The following ZNF664 variants were observed in gnomAD, a reference collection of about 807,000 sequenced individuals.
The protein encoded by ZNF664 is zinc finger protein 664.
Under a neutral mutation model 18.2 loss-of-function variants are expected in ZNF664, and 10 were observed. That is an observed-to-expected ratio of 0.55 (90% CI 0.34 to 0.93). The LOEUF is 0.93. Ranked by LOEUF, ZNF664 falls within the 40% of genes least tolerant of loss-of-function variation. The probability of loss-of-function intolerance (pLI) is 0.02; values close to 1 mark genes in which losing one functional copy is unlikely to be tolerated. For synonymous variants in ZNF664, 119 were observed against 104.2 expected (o/e 1.14, Z -0.86); for missense variants, 193 against 319.0 (o/e 0.61, Z 3.01).
intron 2 of ZNF664, chr12:123,974,673 C>T (rs1412169085): frequency 6.6e-6 from 1 of 152,226 alleles, no homozygotes; most frequent in South Asian, 2.1e-4. Context: ...GTTTATCCTT[C>T]TAGATCTTTT....
chr12:123,989,948 C>G (rs949317980), intron 3 of ZNF664, among the ~76,000 whole-genome samples: 8 of 152,212 alleles, frequency 5.3e-5, no homozygotes, highest in Admixed American at 3.9e-4. Flanking sequence ...CCTGCTCTTG[C>G]ACTTTGTGCT....
At chr12:124,000,718 T>G (rs1177035294) in intron 3 of ZNF664, among the ~76,000 whole-genome samples, 1 of 152,212 alleles carries the variant, frequency 6.6e-6, no homozygotes, top group East Asian at 1.9e-4. Context: ...TTGATTTGCT[T>G]GTTTTTCAAC....
Position 124,012,642 on chromosome 12 carries a change from A to T in ZNF664, c.498A>T (p.Thr166=), listed in dbSNP as rs1957146490. Residue 166 remains threonine (T), a synonymous_variant, in exon 5 of 5, where the codon ACA becomes ACT. Coordinates refer to ENST00000337815, the MANE Select transcript of ZNF664 (RefSeq NM_152437.3). ...SSLCMHQRVH[T]GEKPYKCYEC... ...TCTGCATGCATCAAAGAGTCCACAC[A>T]GGAGAGAAACCCTATAAATGTTATG... The T allele has an allele frequency of 1.2e-6, 2 of 1,614,184 alleles. No homozygotes were observed. The highest frequency in any genetic ancestry group is 8.5e-7 in the Non-Finnish European group (1 of 1,180,032).
intron 3 of ZNF664, among the ~76,000 whole-genome samples, chr12:123,995,544 C>T (rs1956938389): frequency 6.6e-6 from 1 of 150,486 alleles, no homozygotes; most frequent in Admixed American, 6.6e-5. Flanking sequence ...CCCAGTCACT[C>T]AGGCTTTGGA....
intron 3 of ZNF664, among the ~76,000 whole-genome samples, chr12:123,997,175 A>G (rs1448926733): frequency 1.3e-5 from 2 of 152,188 alleles, no homozygotes; most frequent in Non-Finnish European, 2.9e-5. Flanking sequence ...TTTAGAGCTA[A>G]AAGGGCTTGG....
rs1956772214 is a variant in ZNF664 at position 123,982,151 on chromosome 12, G to A, written c.-756-5892G>A. Among the ~76,000 whole-genome samples the A allele has an allele frequency of 2.0e-5, 3 of 152,330 alleles. No homozygotes were observed. In the South Asian group the frequency reaches 6.2e-4, roughly 32 times the overall value. On this transcript the variant is annotated intron_variant, in intron 2 of 4. Transcript: ENST00000337815. ...AACTGGTCCCTTCCACGTAGGGGCA[G>A]GCCAGGAAATAGGCAGAGTGGTGCC...
chr12:123,984,711 T>C (rs764743406), intron 2 of ZNF664, among the ~76,000 whole-genome samples: 93 of 152,104 alleles, frequency 6.1e-4, no homozygotes, highest in Admixed American at 1.6e-3. Flanking sequence ...TTTGTCAAAG[T>C]AGTGATTTTC....
chr12:123,996,235 T>G (rs555800004), intron 3 of ZNF664, among the ~76,000 whole-genome samples: 33 of 152,318 alleles, frequency 2.2e-4, no homozygotes, highest in African/African-American at 1.7e-4. Flanking sequence ...ATTGAGGAAA[T>G]GAGTCTTGGG....
intron 2 of ZNF664, among the ~76,000 whole-genome samples, chr12:123,975,809 A>G (rs1193432244): frequency 1.3e-5 from 2 of 152,224 alleles, no homozygotes; most frequent in African/African-American, 2.4e-5. Flanking sequence ...CAATACTCGC[A>G]CTATAATATT....
At chr12:123,973,735 G>A in intron 1 of ZNF664, 151 bp from the exon 2 acceptor site, 20 of 1,204,750 alleles carry the variant, frequency 1.7e-5, no homozygotes, top group Non-Finnish European at 2.1e-5. Flanking sequence ...CCGAGGGAAG[G>A]GGGAGCGCTG....
At chr12:123,974,992 GA>G in intron 2 of ZNF664, among the ~76,000 whole-genome samples, 1 of 152,330 alleles carries the variant, frequency 6.6e-6, no homozygotes, top group South Asian at 2.1e-4. Context: ...TTTTGGTTAA[GA>G]AATTGATATG....
At chr12:123,977,319 A>T (rs1201592594) in intron 2 of ZNF664, among the ~76,000 whole-genome samples, 2 of 152,146 alleles carry the variant, frequency 1.3e-5, no homozygotes, top group Admixed American at 6.5e-5. Context: ...AATGAAGGGA[A>T]ATATTTGTAG....
intron 3 of ZNF664, among the ~76,000 whole-genome samples, chr12:123,993,019 G>T (rs1956906374): frequency 6.6e-6 from 1 of 152,188 alleles, no homozygotes; most frequent in South Asian, 2.1e-4. Flanking sequence ...GAGAAAAAAG[G>T]CCTGGCAGTT....
At chr12:124,010,241 A>G (rs1404896990) in intron 3 of ZNF664, among the ~76,000 whole-genome samples, 1 of 152,208 alleles carries the variant, frequency 6.6e-6, no homozygotes, top group East Asian at 1.9e-4. Context: ...TAAGCAGTCC[A>G]GTTTATTTTA....
Position 124,012,958 on chromosome 12 carries a change from A to G in ZNF664, c.*28A>G, listed in dbSNP as rs375942808. 5.0e-6 allele frequency: 8 copies of G among 1,602,442 alleles called. No individual in the cohort carries two copies. In the African/African-American group the frequency reaches 6.7e-5, roughly 13 times the overall value. On this transcript the variant is annotated 3_prime_UTR_variant, in exon 5 of 5. Transcript: ENST00000337815. ...CGTTTTGCTAAGAGTTTAAAATCTT[A>G]AAACCCATAAGTGCCACTAGGAAGG...
intron 3 of ZNF664, among the ~76,000 whole-genome samples, chr12:124,010,521 G>C (rs185284384): frequency 1.3e-5 from 2 of 152,170 alleles, no homozygotes; most frequent in Non-Finnish European, 2.9e-5. Context: ...ATCAAAGACT[G>C]GAAATAAGGC....
At chr12:124,001,159 TGTCA>T (rs1436400576) in intron 3 of ZNF664, among the ~76,000 whole-genome samples, 1 of 152,226 alleles carries the variant, frequency 6.6e-6, no homozygotes, top group Non-Finnish European at 1.5e-5. Flanking sequence ...GTATTGAATC[TGTCA>T]CCAAGTCTGA....
chr12:123,991,995 A>T (rs1355659775), intron 3 of ZNF664, among the ~76,000 whole-genome samples: 1 of 152,210 alleles, frequency 6.6e-6, no homozygotes, highest in East Asian at 1.9e-4. Flanking sequence ...AGGAGTCATT[A>T]GGCTAAGTCA....
rs1230331019 is a variant in ZNF664 at position 123,974,039 on chromosome 12, C to T, written c.-757+19C>T. ...CACCCAGGTAAACCGGCTGCCGGCGCTGTCCACTTCCCTCTGACTCCCGCC... is the reference window on the plus strand; with the variant it reads ...CACCCAGGTAAACCGGCTGCCGGCGTTGTCCACTTCCCTCTGACTCCCGCC... On this transcript the variant is annotated intron_variant, in intron 2 of 4. Coordinates refer to ENST00000337815, the MANE Select transcript of ZNF664 (RefSeq NM_152437.3). 5 of 1,231,214 alleles carry T rather than the reference C, an allele frequency of 4.1e-6. No individual in the cohort carries two copies. Among genetic ancestry groups the T allele is most frequent in the Admixed American group, 8.4e-5 (2 of 23,708 alleles). 76.3% of individuals were successfully genotyped at this position (1,231,214 alleles called of 1,614,324 possible).
Sources: allele counts gnomAD v4.1 joint callset (sites outside exome capture counted in the v4.1 genomes callset), GRCh38; gene constraint gnomAD v4.1.1; transcripts MANE v1.5; gene names NCBI Gene and HGNC (gene_info 2026-07-23, HGNC 2026-07-21).